Variants in TMEM45B observed in about 807,000 individuals in gnomAD.
The protein encoded by TMEM45B is transmembrane protein 45B.
Under a neutral mutation model 27.3 loss-of-function variants are expected in TMEM45B, and 29 were observed. The observed-to-expected ratio is 1.06, with a 90% CI of 0.79 to 1.45. The LOEUF (loss-of-function observed/expected upper bound fraction) is 1.45, where lower values mean the gene tolerates loss of function less well. TMEM45B is among the 40% of genes most tolerant of loss of function. The pLI is 0.00. For missense variants in TMEM45B, 348 were observed against 343.9 expected (o/e 1.01, Z -0.09); for synonymous variants, 143 against 134.7 (o/e 1.06, Z -0.43).
At chr11:129,852,790 A>G in intron 2 of TMEM45B, 130 bp downstream of exon 2, 1 of 926,864 alleles carries the variant, frequency 1.1e-6, no homozygotes, top group Non-Finnish European at 1.6e-6. Context: ...CCTGATGGCC[A>G]CTAGACTATT....
At chr11:129,840,946 TAAAAAAAAA>T (rs55905045) in intron 1 of TMEM45B, among the ~76,000 whole-genome samples, 4 of 29,260 alleles carry the variant, frequency 1.4e-4, no homozygotes, top group Non-Finnish European at 2.7e-4. Context: ...TTTCTTTCTG[TAAAAAAAAA>T]AAAAAAAAAA....
At chr11:129,834,504 CA>C (rs1469873332) in intron 1 of TMEM45B, among the ~76,000 whole-genome samples, 1 of 3,472 alleles carries the variant, frequency 2.9e-4, no homozygotes, top group African/African-American at 3.4e-4. Context: ...AAAGAAAAAA[CA>C]GAGCTGTAGA....
At chr11:129,835,609 G>A (rs1409940463) in intron 1 of TMEM45B, among the ~76,000 whole-genome samples, 1 of 152,228 alleles carries the variant, frequency 6.6e-6, no homozygotes, top group Non-Finnish European at 1.5e-5. Flanking sequence ...TCAGAGATCT[G>A]CCAGGCTGCT....
At chr11:129,853,134 C>T (rs938151152) in intron 2 of TMEM45B, among the ~76,000 whole-genome samples, 4 of 152,138 alleles carry the variant, frequency 2.6e-5, no homozygotes, top group Non-Finnish European at 4.4e-5. Flanking sequence ...TATGTAGATT[C>T]GTAAATTAGC....
chr11:129,828,498 G>T (rs1283451262), intron 1 of TMEM45B, among the ~76,000 whole-genome samples: 1 of 152,136 alleles, frequency 6.6e-6, no homozygotes, highest in African/African-American at 2.4e-5. Context: ...TCAGGACTGC[G>T]GCCACAGTCA....
intron 1 of TMEM45B, among the ~76,000 whole-genome samples, chr11:129,819,394 G>T (rs992018758): frequency 2.6e-5 from 4 of 152,320 alleles, no homozygotes; most frequent in Admixed American, 2.0e-4. Context: ...CGATATGAAC[G>T]TCATCTGAGA....
At chr11:129,825,989 GT>G (rs1277246593) in intron 1 of TMEM45B, among the ~76,000 whole-genome samples, 21 of 146,940 alleles carry the variant, frequency 1.4e-4, no homozygotes, top group African/African-American at 5.2e-4. Context: ...GTTTTTTTTG[GT>G]TTTTTTTTTT....
chr11:129,826,567 A>AAT (rs1199881268), intron 1 of TMEM45B, among the ~76,000 whole-genome samples: 2,086 of 96,086 alleles, frequency 0.022, 317 homozygotes, highest in African/African-American at 0.072. Flanking sequence ...AAAAAAAAAA[A>AAT]AGGACCCTGA....
chr11:129,858,008 T>C (rs1392906776), intron 5 of TMEM45B, among the ~76,000 whole-genome samples: 1 of 152,180 alleles, frequency 6.6e-6, no homozygotes, highest in African/African-American at 2.4e-5. Context: ...TCTTCACTGC[T>C]TTATGAAGTA....
intron 1 of TMEM45B, among the ~76,000 whole-genome samples, chr11:129,821,979 C>T (rs918687196): frequency 7.2e-5 from 11 of 152,052 alleles, no homozygotes; most frequent in Admixed American, 5.2e-4. Context: ...ATAATTTCCT[C>T]GTTCTTTCTT....
Position 129,859,901 on chromosome 11 carries a change from C to T in TMEM45B, c.*1216C>T, listed in dbSNP as rs1041299434. On this transcript the variant is annotated 3_prime_UTR_variant, in exon 6 of 6. Transcript: ENST00000281441. ...AGCACTGAAATGGCTGTAAGGACTC[C>T]TGAGATATGTGTCCAGCAAGGAGTT... is the stretch of plus-strand genomic sequence containing the variant. 1 of 152,480 alleles carries T rather than the reference C, an allele frequency of 6.6e-6. No homozygotes were observed. Among genetic ancestry groups the T allele is most frequent in the South Asian group, 2.1e-4 (1 of 4,826 alleles). 9.4% of individuals were successfully genotyped at this position (152,480 alleles called of 1,614,324 possible).
chr11:129,826,514 A>C (rs1398559386), intron 1 of TMEM45B, among the ~76,000 whole-genome samples: 1 of 132,290 alleles, frequency 7.6e-6, no homozygotes, highest in Non-Finnish European at 1.6e-5. Flanking sequence ...GCGCCACTGC[A>C]CTCCAGCCTG....
intron 1 of TMEM45B, among the ~76,000 whole-genome samples, chr11:129,821,715 T>TA (rs1182469733): frequency 6.6e-6 from 1 of 152,216 alleles, no homozygotes; most frequent in African/African-American, 2.4e-5. Flanking sequence ...TCTACTTTCT[T>TA]ACGGTGCTGT....
chr11:129,848,406 G>C (rs894827316), intron 1 of TMEM45B, among the ~76,000 whole-genome samples: 2 of 149,074 alleles, frequency 1.3e-5, no homozygotes, highest in African/African-American at 2.5e-5. Context: ...CCAGGCACTC[G>C]GCAGGCTGAG....
chr11:129,816,717 C>A, intron 1 of TMEM45B, among the ~76,000 whole-genome samples: 1 of 146,456 alleles, frequency 6.8e-6, no homozygotes, highest in Admixed American at 6.9e-5. Context: ...CTAAAAGTTG[C>A]AGAAATGGCC....
At chr11:129,849,544 G>A (rs145147598) in intron 1 of TMEM45B, among the ~76,000 whole-genome samples, 1 of 152,172 alleles carries the variant, frequency 6.6e-6, no homozygotes, top group African/African-American at 2.4e-5. Context: ...ATCTCTGCTC[G>A]GGCCCTGAGG....
chr11:129,839,878 C>T (rs1321400958), intron 1 of TMEM45B, among the ~76,000 whole-genome samples: 1 of 152,086 alleles, frequency 6.6e-6, no homozygotes, highest in Admixed American at 6.6e-5. Context: ...GTAAGTTTGT[C>T]CTTAGATTGA....
chr11:129,858,637 A>G lies in TMEM45B; in HGVS notation c.780A>G (p.Ser260=). 2 of 1,582,506 alleles carry G rather than the reference A, an allele frequency of 1.3e-6. No homozygotes were observed. Among genetic ancestry groups the G allele is most frequent in the Non-Finnish European group, 1.7e-6 (2 of 1,163,090 alleles). Residue 260 remains serine, a synonymous_variant, in exon 6 of 6, where the codon TCA becomes TCG. Transcript: ENST00000281441. ...GEIIGIQKLN[S]DDTYQTALLS... is the part of the protein sequence containing the mutation. ...TCATTGGAATTCAGAAGCTGAATTC[A>G]GATGACACTTACCAGACCGCCCTCT... is the stretch of plus-strand genomic sequence containing the variant.
chr11:129,845,805 T>C (rs902821695), intron 1 of TMEM45B, among the ~76,000 whole-genome samples: 1 of 152,080 alleles, frequency 6.6e-6, no homozygotes, highest in South Asian at 2.1e-4. Context: ...CTTATATTAA[T>C]GGAAATAAGC....
Sources: gnomAD v4.1 joint callset for allele counts (sites outside exome capture counted in the v4.1 genomes callset) on GRCh38, gnomAD v4.1.1 for gene constraint, MANE v1.5 for transcripts, NCBI Gene and HGNC (gene_info 2026-07-23, HGNC 2026-07-21) for gene names.